The following COMMD1 variants were observed in gnomAD, a reference collection of about 807,000 sequenced individuals.
COMMD1 encodes the protein copper metabolism domain containing 1.
COMMD1 carries 10 observed loss-of-function variants against 17.2 expected under a neutral mutation model. That is an observed-to-expected ratio of 0.58 (90% CI 0.36 to 0.99). The LOEUF is 0.99. COMMD1 is among the 50% of genes least tolerant of loss of function. The pLI, the probability that COMMD1 is intolerant of heterozygous loss-of-function variation, is 0.01. For synonymous variants in COMMD1, 97 were observed against 91.6 expected, an observed-to-expected ratio of 1.06 and a Z score of -0.34; for missense variants, 270 against 231.8, an observed-to-expected ratio of 1.17 and a Z score of -1.07.
chr2:62,041,252 A>G (rs926519937), intron 2 of COMMD1, among the ~76,000 whole-genome samples: 3 of 151,720 alleles, frequency 2.0e-5, no homozygotes, highest in Non-Finnish European at 4.4e-5. Context: ...ATCCATTTCT[A>G]CTCTCTAGAT....
At chr2:62,071,780 G>C (rs1385271216) in intron 2 of COMMD1, among the ~76,000 whole-genome samples, 1 of 152,136 alleles carries the variant, frequency 6.6e-6, no homozygotes, top group Non-Finnish European at 1.5e-5. Flanking sequence ...TAAATTCCCA[G>C]CCATGATAGG....
intron 1 of COMMD1, among the ~76,000 whole-genome samples, chr2:61,943,720 A>G (rs1670829491): frequency 6.6e-6 from 1 of 152,182 alleles, no homozygotes; most frequent in African/African-American, 2.4e-5. Flanking sequence ...CTGTAATCCC[A>G]GCTACTCGGG....
chr2:62,071,794 G>A (rs1346288003), intron 2 of COMMD1, among the ~76,000 whole-genome samples: 1 of 152,120 alleles, frequency 6.6e-6, no homozygotes, highest in Admixed American at 6.5e-5. Context: ...TGATAGGAAG[G>A]AAGGTTGAAC....
chr2:62,075,190 G>T (rs549701732), intron 2 of COMMD1, among the ~76,000 whole-genome samples: 1 of 151,704 alleles, frequency 6.6e-6, no homozygotes, highest in Non-Finnish European at 1.5e-5. Context: ...TGCCTGGCCT[G>T]GTGCACATGT....
intron 2 of COMMD1, among the ~76,000 whole-genome samples, chr2:62,118,078 C>A (rs1246148971): frequency 1.3e-5 from 2 of 152,178 alleles, no homozygotes; most frequent in Non-Finnish European, 2.9e-5. Context: ...GTCTTACTTT[C>A]TTTTCCTCCC....
At chr2:62,099,705 T>C (rs548940440) in intron 2 of COMMD1, among the ~76,000 whole-genome samples, 1 of 152,208 alleles carries the variant, frequency 6.6e-6, no homozygotes, top group South Asian at 2.1e-4. Flanking sequence ...CGTGTCTCAG[T>C]TTCTCTCTTC....
At chr2:61,888,503 G>A (rs1455380214), upstream of COMMD1, 4 of 1,611,724 alleles carry the variant, frequency 2.5e-6, no homozygotes, top group African/African-American at 5.3e-5. Flanking sequence ...CACATTCTCG[G>A]GCATGGCAAA....
intron 2 of COMMD1, among the ~76,000 whole-genome samples, chr2:62,098,261 A>G (rs1217334210): frequency 6.6e-6 from 1 of 151,054 alleles, no homozygotes; most frequent in Non-Finnish European, 1.5e-5. Flanking sequence ...GGTTCAAGCA[A>G]GATTCTCCTG....
intron 2 of COMMD1, among the ~76,000 whole-genome samples, chr2:62,134,234 G>T (rs958207943): frequency 6.6e-6 from 1 of 152,172 alleles, no homozygotes; most frequent in Non-Finnish European, 1.5e-5. Flanking sequence ...CAAAGTTGGG[G>T]CTGGTATATT....
chr2:61,975,118 C>CTTTTTTTTTTTTTTTTT, intron 1 of COMMD1, among the ~76,000 whole-genome samples: 151 of 80,158 alleles, frequency 1.9e-3, no homozygotes, highest in Non-Finnish European at 2.6e-3. Context: ...TCATTTCTTT[C>CTTTTTTTTTTTTTTTTT]TTTTTTTTTT....
At chr2:62,123,696 T>A (rs1465504210) in intron 2 of COMMD1, among the ~76,000 whole-genome samples, 1 of 151,890 alleles carries the variant, frequency 6.6e-6, no homozygotes, top group African/African-American at 2.4e-5. Context: ...CCTTTGTTAC[T>A]TTTCTGATTC....
chr2:61,889,322 A>G lies in COMMD1; in HGVS notation n.119+480A>G, dbSNP rs559860198. Among the ~76,000 whole-genome samples the G allele has an allele frequency of 4.3e-5, 6 of 140,774 alleles. No individual in the cohort carries two copies. The East Asian group carries it at 1.4e-3, about 32-fold the overall frequency. 92.4% of individuals were successfully genotyped at this position (140,774 alleles called of 152,430 possible). A position where few individuals can be genotyped will look rare whatever the true frequency, so the allele number is the denominator to read the frequency against. ...CCGGGGCCCAAGCGATCCTCCCGCCACAGCCTCCCAACTAGCCAGGACGAC... is the reference window on the plus strand; with the variant it reads ...CCGGGGCCCAAGCGATCCTCCCGCCGCAGCCTCCCAACTAGCCAGGACGAC... On this transcript the variant is annotated intron_variant and non_coding_transcript_variant, in intron 1 of 2. Coordinates refer to the COMMD1 transcript ENST00000472729.
intron 2 of COMMD1, among the ~76,000 whole-genome samples, chr2:62,003,238 A>AAAAC (rs1553378100): frequency 2.1e-4 from 32 of 151,038 alleles, no homozygotes; most frequent in Non-Finnish European, 4.4e-5. Context: ...CTCAAAAAAA[A>AAAAC]AAAACAAAAC....
intron 2 of COMMD1, among the ~76,000 whole-genome samples, chr2:62,111,650 G>T (rs1409816560): frequency 2.6e-5 from 4 of 152,176 alleles, no homozygotes; most frequent in Non-Finnish European, 5.9e-5. Context: ...TGGGGAAGAA[G>T]AATTCTGGTT....
At chr2:61,896,505 C>T (rs1669551843) in intron 1 of COMMD1, among the ~76,000 whole-genome samples, 1 of 152,138 alleles carries the variant, frequency 6.6e-6, no homozygotes, top group South Asian at 2.1e-4. Flanking sequence ...CCTTTTGAGC[C>T]TAGAAGTTCG....
At chr2:62,043,351 T>C (rs1367310932) in intron 2 of COMMD1, among the ~76,000 whole-genome samples, 2 of 152,248 alleles carry the variant, frequency 1.3e-5, no homozygotes, top group African/African-American at 2.4e-5. Context: ...TTCAGTTCTT[T>C]ACATTTTTAT....
intron 1 of COMMD1, among the ~76,000 whole-genome samples, chr2:61,961,152 T>C (rs970109426): frequency 6.6e-6 from 1 of 152,210 alleles, no homozygotes; most frequent in Non-Finnish European, 1.5e-5. Context: ...TGGGAACAAA[T>C]GATCTCTCAG....
intron 2 of COMMD1, among the ~76,000 whole-genome samples, chr2:62,013,827 A>G (rs1669357924): frequency 6.6e-6 from 1 of 152,206 alleles, no homozygotes. Context: ...CTAACATACA[A>G]CTTGAGTTTT....
chr2:61,893,136 G>C (rs1669474954), intron 1 of COMMD1, among the ~76,000 whole-genome samples: 1 of 151,884 alleles, frequency 6.6e-6, no homozygotes, highest in Non-Finnish European at 1.5e-5. Flanking sequence ...CAAAGTACTG[G>C]GATTACAGGT....
Sources: gnomAD v4.1 joint callset for allele counts (sites outside exome capture counted in the v4.1 genomes callset) on GRCh38, gnomAD v4.1.1 for gene constraint, MANE v1.5 for transcripts, NCBI Gene and HGNC (gene_info 2026-07-23, HGNC 2026-07-21) for gene names.